DARS1: variants seen among roughly 807,000 people sequenced by gnomAD.
The protein encoded by DARS1 is aspartate--tRNA ligase, cytoplasmic.
DARS1 carries 51 observed loss-of-function variants against 68.8 expected under a neutral mutation model. That is an observed-to-expected ratio of 0.74 (90% CI 0.59 to 0.94). DARS1 has a LOEUF of 0.94. DARS1 is among the 40% of genes least tolerant of loss of function. The probability of loss-of-function intolerance (pLI) is 0.00; values close to 1 mark genes in which losing one functional copy is unlikely to be tolerated. For synonymous variants in DARS1, 203 were observed against 190.4 expected (o/e 1.07, Z -0.55); for missense variants, 607 against 597.3 (o/e 1.02, Z -0.17).
intron 3 of DARS1, among the ~76,000 whole-genome samples, chr2:135,966,105 G>A (rs1006251846): frequency 6.6e-6 from 1 of 151,346 alleles, no homozygotes; most frequent in Non-Finnish European, 1.5e-5. Flanking sequence ...TCCTTTTTGT[G>A]CAAATTTAAA....
chr2:135,939,965 C>G (rs1316213115), intron 5 of DARS1, among the ~76,000 whole-genome samples: 2 of 152,056 alleles, frequency 1.3e-5, no homozygotes, highest in African/African-American at 4.8e-5. Context: ...CAGGAAGAAG[C>G]TGAATCCCTC....
intron 4 of DARS1, among the ~76,000 whole-genome samples, chr2:135,951,229 G>A (rs1029537332): frequency 1.3e-5 from 2 of 152,144 alleles, no homozygotes; most frequent in African/African-American, 4.8e-5. Context: ...CTTCTTCTTT[G>A]CTAAAGGGGC....
chr2:135,985,137 G>C (rs1181085839), intron 1 of DARS1: 1 of 516,736 alleles, frequency 1.9e-6, no homozygotes, highest in African/African-American at 1.9e-5. Flanking sequence ...CCTACTTCCG[G>C]GGCGGCTGGT....
At chr2:135,947,712 CAAATT>C (rs1681756500) in intron 4 of DARS1, among the ~76,000 whole-genome samples, 1 of 150,890 alleles carries the variant, frequency 6.6e-6, no homozygotes, top group Non-Finnish European at 1.5e-5. Context: ...TACAGACTGA[CAAATT>C]AGAACTAAAT....
At chr2:135,961,586 G>T in intron 3 of DARS1, 88 bp from the exon 4 acceptor site, 2 of 797,236 alleles carry the variant, frequency 2.5e-6, no homozygotes, top group Non-Finnish European at 2.2e-6. Flanking sequence ...CTTTAAAAGT[G>T]GGCCAAAATT....
intron 5 of DARS1, among the ~76,000 whole-genome samples, chr2:135,942,380 C>G (rs556759937): frequency 6.6e-6 from 1 of 151,962 alleles, no homozygotes; most frequent in South Asian, 2.1e-4. Flanking sequence ...TGGAAACCAT[C>G]ATTCTCAGCA....
intron 13 of DARS1, among the ~76,000 whole-genome samples, chr2:135,912,282 A>G (rs1680911052): frequency 6.6e-6 from 1 of 152,246 alleles, no homozygotes; most frequent in African/African-American, 2.4e-5. Context: ...TGATTTTAAC[A>G]TAGGTTTTTA....
In DARS1 at chr2:135,944,537, C is replaced by T. The variant is rs375253151; in HGVS notation, c.321-1057G>A. On this transcript the variant is annotated intron_variant, in intron 4 of 15. Transcript: ENST00000264161. Reference sequence around the variant, plus strand: ...GAAAATTGTTTATGTCACTTGGCTACACTGCCTAGAAATCTTTATGTCTGT... The same window carrying T: ...GAAAATTGTTTATGTCACTTGGCTATACTGCCTAGAAATCTTTATGTCTGT... Among the ~76,000 whole-genome samples the T allele has an allele frequency of 4.6e-5, 7 of 152,064 alleles. No homozygotes were observed. The South Asian group carries it at 6.2e-4, about 14-fold the overall frequency.
rs1553446835 is a variant in DARS1, at chr2:135,955,705, T to TTA, written c.320+5690_320+5691insTA. ...TTTTTTTTTTTTTTTTTTTTTTTTTTAGACAGGGTCTCGCTCTGTCACACA... is the reference window on the plus strand; with the variant it reads ...TTTTTTTTTTTTTTTTTTTTTTTTTTTAAGACAGGGTCTCGCTCTGTCACACA... On this transcript the variant is annotated intron_variant, in intron 4 of 15. Transcript: ENST00000264161. Among the ~76,000 whole-genome samples the TTA allele has an allele frequency of 8.7e-4, 107 of 123,454 alleles. 3 individuals are homozygous for TTA. The highest frequency in any genetic ancestry group is 5.0e-3 in the Middle Eastern group (1 of 202). 81.0% of individuals were successfully genotyped at this position (123,454 alleles called of 152,430 possible).
chr2:135,928,406 TG>T (rs1244050237), intron 7 of DARS1, among the ~76,000 whole-genome samples: 2 of 152,108 alleles, frequency 1.3e-5, no homozygotes, highest in Non-Finnish European at 2.9e-5. Context: ...TTTTTTTTTT[TG>T]TTTTTTGAGA....
chr2:135,911,481 A>G lies in DARS1; in HGVS notation c.1243T>C (p.Ser415Pro). ...TCTCCTCTCATGAACATATCGTAAGAGTTGGACTGTTTCTGCAAGAGAAAA... is the reference window on the plus strand; with the variant it reads ...TCTCCTCTCATGAACATATCGTAAGGGTTGGACTGTTTCTGCAAGAGAAAA... ...PDPRNPKQSN[S>P]YDMFMRGEEI... Residue 415 changes from serine to proline, a missense_variant, in exon 14 of 16, where the codon TCT (serine) becomes CCT (proline). Transcript: ENST00000264161. 1 of 968,436 alleles carries G rather than the reference A, an allele frequency of 1.0e-6. No homozygotes were observed. Among genetic ancestry groups the G allele is most frequent in the Non-Finnish European group, 1.7e-6 (1 of 591,026 alleles). 60.0% of individuals were successfully genotyped at this position (968,436 alleles called of 1,614,324 possible).
At chr2:135,964,303 C>T (rs1317402068) in intron 3 of DARS1, among the ~76,000 whole-genome samples, 1 of 152,060 alleles carries the variant, frequency 6.6e-6, no homozygotes. Context: ...TCTGTATTTT[C>T]TGAACTTTCT....
intron 5 of DARS1, 134 bp downstream of exon 5, chr2:135,943,244 G>T (rs1232701966): frequency 7.2e-6 from 9 of 1,258,554 alleles, no homozygotes; most frequent in Non-Finnish European, 9.6e-6. Flanking sequence ...TATAACAAAA[G>T]CTAATTGATT....
At chr2:135,909,205 G>C (rs779714781) in intron 15 of DARS1, among the ~76,000 whole-genome samples, 14 of 152,092 alleles carry the variant, frequency 9.2e-5, no homozygotes, top group Admixed American at 5.9e-4. Context: ...GTGATGGGTT[G>C]ACAGATGCAG....
Position 135,924,424 on chromosome 2 carries a change from T to G in DARS1, c.639A>C (p.Lys213Asn). ...CHLFRETLIN[K>N]GFVEIQTPKI... ...TAGGAGTTTGGATTTCCACAAAACC[T>G]TTGTTAATTAAAGTTTCTCGGAAGA... The change falls in exon 8 of 16, where the codon AAA (lysine) becomes AAC (asparagine). Residue 213 changes from lysine to asparagine, a missense_variant. Physicochemically the swap from Lys to Asn is moderately conservative, Grantham distance 94 (BLOSUM62 0). Transcript: ENST00000264161. The G allele has an allele frequency of 6.2e-7, 1 of 1,606,786 alleles. No individual in the cohort carries two copies. The highest frequency in any genetic ancestry group is 2.2e-5 in the East Asian group (1 of 44,600).
intron 9 of DARS1, among the ~76,000 whole-genome samples, 179 bp downstream of exon 9, chr2:135,922,605 T>C (rs1456755037): frequency 1.3e-5 from 2 of 152,220 alleles, no homozygotes; most frequent in African/African-American, 4.8e-5. Context: ...CTATTACTTT[T>C]AAGAAAATGT....
chr2:135,943,359 A>G lies in DARS1; in HGVS notation c.423+19T>C. 1 of 1,603,894 alleles carries G rather than the reference A, an allele frequency of 6.2e-7. No homozygotes were observed. Among genetic ancestry groups the G allele is most frequent in the Non-Finnish European group, 8.5e-7 (1 of 1,176,214 alleles). Reference sequence around the variant, plus strand: ...CAAATCTATTTCTATATGCGATTTTATATTTTGAAAAAACTTACCTTCTGA... The same window carrying G: ...CAAATCTATTTCTATATGCGATTTTGTATTTTGAAAAAACTTACCTTCTGA... On this transcript the variant is annotated intron_variant, in intron 5 of 15. Transcript: ENST00000264161.
chr2:135,916,653 T>A (rs983078423), intron 10 of DARS1, among the ~76,000 whole-genome samples: 2 of 152,182 alleles, frequency 1.3e-5, no homozygotes, highest in Admixed American at 6.5e-5. Context: ...TTATGAAGCA[T>A]TACAAAAATC....
chr2:135,950,064 A>C lies in DARS1; in HGVS notation c.321-6584T>G, dbSNP rs1482781786. 2.6e-5 allele frequency among the ~76,000 whole-genome samples: 4 copies of C among 152,228 alleles called. No homozygotes were observed. The East Asian group carries it at 7.7e-4, about 29-fold the overall frequency. On this transcript the variant is annotated intron_variant, in intron 4 of 15. Transcript: ENST00000264161. ...TCTGATTTGATATTTTTAATAGCACAGTCCTTGCTTTTTTCCACCTGGTAT... is the reference window on the plus strand; with the variant it reads ...TCTGATTTGATATTTTTAATAGCACCGTCCTTGCTTTTTTCCACCTGGTAT...
Sources: gnomAD v4.1 joint callset for allele counts (sites outside exome capture counted in the v4.1 genomes callset) on GRCh38, gnomAD v4.1.1 for gene constraint, MANE v1.5 for transcripts, NCBI Gene and HGNC (gene_info 2026-07-23, HGNC 2026-07-21) for gene names.